Variants in RBMS3 observed in about 807,000 individuals in gnomAD.
The protein encoded by RBMS3 is RNA binding motif single stranded interacting protein 3.
RBMS3 carries 27 observed loss-of-function variants against 66.8 expected under a neutral mutation model. That is an observed-to-expected ratio of 0.40 (90% CI 0.30 to 0.56). The LOEUF (loss-of-function observed/expected upper bound fraction) is 0.56. Ranked by LOEUF, RBMS3 falls within the 20% of genes least tolerant of loss-of-function variation. The pLI is 0.40. For missense variants in RBMS3, 513 were observed against 549.5 expected (o/e 0.93, Z 0.66); for synonymous variants, 188 against 183.0 (o/e 1.03, Z -0.22).
At chr3:29,647,784 G>A (rs1262080913) in intron 4 of RBMS3, among the ~76,000 whole-genome samples, 1 of 152,152 alleles carries the variant, frequency 6.6e-6, no homozygotes, top group African/African-American at 2.4e-5. Flanking sequence ...ACTAATGTGT[G>A]TGATAGTCAC....
intron 1 of RBMS3, among the ~76,000 whole-genome samples, chr3:29,344,688 G>A (rs1402410522): frequency 2.6e-5 from 4 of 152,176 alleles, no homozygotes; most frequent in Middle Eastern, 3.4e-3. Flanking sequence ...TTGCCACCCA[G>A]ACCACAAGGC....
chr3:29,843,900 C>T (rs2058719310), intron 6 of RBMS3, among the ~76,000 whole-genome samples: 1 of 151,394 alleles, frequency 6.6e-6, no homozygotes, highest in Non-Finnish European at 1.5e-5. Context: ...TGCAGTGAGC[C>T]GAGATTGCTC....
chr3:29,997,617 C>T (rs547488033), intron 14 of RBMS3, among the ~76,000 whole-genome samples: 2,048 of 151,044 alleles, frequency 0.014, 51 homozygotes, highest in African/African-American at 0.047. Context: ...GTTCAATATA[C>T]GCAAATCAAT....
chr3:29,955,420 C>A (rs1330604934), intron 12 of RBMS3, among the ~76,000 whole-genome samples: 2 of 151,990 alleles, frequency 1.3e-5, no homozygotes. Flanking sequence ...CACTGCCACT[C>A]ATACCTTTCA....
chr3:29,760,153 C>T (rs1193774622), intron 5 of RBMS3, among the ~76,000 whole-genome samples: 3 of 151,910 alleles, frequency 2.0e-5, no homozygotes, highest in Non-Finnish European at 4.4e-5. Context: ...TTGAGGCTTT[C>T]AAACAGAACA....
chr3:29,314,812 G>C (rs2125475169), intron 1 of RBMS3, among the ~76,000 whole-genome samples: 1 of 151,864 alleles, frequency 6.6e-6, no homozygotes, highest in South Asian at 2.1e-4. Context: ...GTGATGTCTT[G>C]TATCATGCTT....
chr3:29,421,172 C>A (rs962913236), intron 1 of RBMS3, among the ~76,000 whole-genome samples: 1 of 151,524 alleles, frequency 6.6e-6, no homozygotes, highest in Non-Finnish European at 1.5e-5. Flanking sequence ...AGTTTTACAT[C>A]GTATTCTTCA....
chr3:29,351,143 C>T (rs771110488), intron 1 of RBMS3, among the ~76,000 whole-genome samples: 6 of 152,120 alleles, frequency 3.9e-5, no homozygotes, highest in African/African-American at 7.2e-5. Context: ...TTAATAGCAA[C>T]GTTGTATTTG....
intron 1 of RBMS3, among the ~76,000 whole-genome samples, chr3:29,393,638 G>C (rs2039411585): frequency 1.3e-5 from 2 of 151,802 alleles, no homozygotes. Flanking sequence ...AACTATCGGG[G>C]GAAACAGCCC....
chr3:29,763,973 T>C (rs1053731909), intron 6 of RBMS3, among the ~76,000 whole-genome samples: 1 of 152,096 alleles, frequency 6.6e-6, no homozygotes, highest in Admixed American at 6.6e-5. Context: ...CCGTTTGCTG[T>C]ATAATGCATC....
chr3:29,281,834 T>G (rs1265870786), intron 1 of RBMS3, 78 bp downstream of exon 1: 1 of 1,252,524 alleles, frequency 8.0e-7, no homozygotes, highest in Non-Finnish European at 1.1e-6. Context: ...GGCGTGTGAA[T>G]TATTAGTTAA....
chr3:29,525,216 G>T (rs1490377270), intron 3 of RBMS3, among the ~76,000 whole-genome samples: 1 of 152,038 alleles, frequency 6.6e-6, no homozygotes, highest in Non-Finnish European at 1.5e-5. Flanking sequence ...TTGTATTCCA[G>T]CTTTCTTCTA....
intron 6 of RBMS3, among the ~76,000 whole-genome samples, chr3:29,775,413 T>C (rs1179718707): frequency 2.6e-5 from 4 of 152,008 alleles, no homozygotes; most frequent in African/African-American, 4.8e-5. Context: ...TGACAGAATA[T>C]GTGAATGTTG....
intron 1 of RBMS3, among the ~76,000 whole-genome samples, chr3:29,387,449 C>T (rs1239027663): frequency 6.6e-6 from 1 of 152,166 alleles, no homozygotes; most frequent in African/African-American, 2.4e-5. Flanking sequence ...ATCAATGGCT[C>T]TACTTGACTG....
At chr3:29,544,824 T>C (rs1356485604) in intron 3 of RBMS3, among the ~76,000 whole-genome samples, 1 of 152,144 alleles carries the variant, frequency 6.6e-6, no homozygotes, top group African/African-American at 2.4e-5. Flanking sequence ...AAAATTTTGT[T>C]TACAAAACAG....
chr3:29,851,071 G>A (rs1005231647), intron 6 of RBMS3, among the ~76,000 whole-genome samples: 2 of 152,100 alleles, frequency 1.3e-5, no homozygotes, highest in Admixed American at 6.5e-5. Flanking sequence ...CCAGATTACT[G>A]CATCTATTAC....
intron 3 of RBMS3, among the ~76,000 whole-genome samples, chr3:29,535,597 G>C (rs1396957993): frequency 6.7e-6 from 1 of 150,150 alleles, no homozygotes; most frequent in Non-Finnish European, 1.5e-5. Context: ...CTACATCCCA[G>C]TTCCTTCAAC....
At chr3:29,943,779 AT>A (rs2061446423) in intron 11 of RBMS3, among the ~76,000 whole-genome samples, 1 of 151,706 alleles carries the variant, frequency 6.6e-6, no homozygotes, top group African/African-American at 2.4e-5. Context: ...GAATGTACAA[AT>A]TTTTTATTTT....
intron 6 of RBMS3, among the ~76,000 whole-genome samples, chr3:29,807,688 C>G (rs535130841): frequency 6.6e-6 from 1 of 151,908 alleles, no homozygotes; most frequent in African/African-American, 2.4e-5. Context: ...AGATGTTCCA[C>G]AGCACATTGT....
Sources: allele counts gnomAD v4.1 joint callset (sites outside exome capture counted in the v4.1 genomes callset), GRCh38; gene constraint gnomAD v4.1.1; transcripts MANE v1.5; gene names NCBI Gene and HGNC (gene_info 2026-07-23, HGNC 2026-07-21).